FBXO38: variants seen among roughly 807,000 people sequenced by gnomAD.
FBXO38 encodes the protein F-box protein 38.
In FBXO38, 53 loss-of-function variants were observed where a neutral mutation model predicts 131.9. That is an observed-to-expected ratio of 0.40 (90% confidence interval 0.32 to 0.51). The LOEUF is 0.51. Among genes scored for constraint, FBXO38 ranks in the 20% least tolerant of loss-of-function variants. FBXO38 has a pLI of 0.53. For synonymous variants in FBXO38, 452 were observed against 505.6 expected, an observed-to-expected ratio of 0.89 and a Z score of 1.42; for missense variants, 1,076 against 1,475.6, an observed-to-expected ratio of 0.73 and a Z score of 4.44.
chr5:148,424,243 T>C, intron 13 of FBXO38, 126 bp downstream of exon 13: 1 of 932,678 alleles, frequency 1.1e-6, no homozygotes, highest in Non-Finnish European at 1.6e-6. Flanking sequence ...ATGCTATTGA[T>C]TACTGAGAAC....
At chr5:148,399,908 G>A (rs1752045006) in intron 3 of FBXO38, among the ~76,000 whole-genome samples, 1 of 151,762 alleles carries the variant, frequency 6.6e-6, no homozygotes, top group Non-Finnish European at 1.5e-5. Flanking sequence ...ATAAGGCTGA[G>A]AGGGGAACCA....
chr5:148,387,038 G>A (rs1757949835), intron 1 of FBXO38, among the ~76,000 whole-genome samples: 2 of 152,044 alleles, frequency 1.3e-5, no homozygotes, highest in African/African-American at 2.4e-5. Flanking sequence ...GGGGTGGCTT[G>A]GCAGTTTCTT....
At chr5:148,427,052 G>C (rs1753750192) in intron 14 of FBXO38, among the ~76,000 whole-genome samples, 161 bp from the exon 15 acceptor site, 1 of 152,180 alleles carries the variant, frequency 6.6e-6, no homozygotes. Context: ...GAGCCATAGA[G>C]AATTTTATAG....
chr5:148,431,946 T>C lies in FBXO38; in HGVS notation c.2654-1478T>C, dbSNP rs75798831. ...TTACAGGGTAGAATTTCACAAAGACTTCACATGGTGGAGAAAGGATTTGGT... is the reference window on the plus strand; with the variant it reads ...TTACAGGGTAGAATTTCACAAAGACCTCACATGGTGGAGAAAGGATTTGGT... On this transcript the variant is annotated intron_variant, in intron 15 of 21. Coordinates refer to ENST00000340253, the MANE Select transcript of FBXO38 (RefSeq NM_205836.3). Among the ~76,000 whole-genome samples the C allele has an allele frequency of 5.6e-3, 849 of 152,270 alleles. 33 individuals are homozygous for C. The East Asian group carries it at 0.1, about 19-fold the overall frequency.
At chr5:148,403,535 C>G (rs1180776643) in intron 5 of FBXO38, among the ~76,000 whole-genome samples, 2 of 152,068 alleles carry the variant, frequency 1.3e-5, no homozygotes, top group East Asian at 3.8e-4. Flanking sequence ...TAAATTTAAC[C>G]TTTGTGACTT....
At chr5:148,392,172 T>C (rs1561511320) in intron 1 of FBXO38, among the ~76,000 whole-genome samples, 1 of 152,110 alleles carries the variant, frequency 6.6e-6, no homozygotes, top group South Asian at 2.1e-4. Flanking sequence ...CAGTGATGGG[T>C]ATCATTTAGG....
intron 15 of FBXO38, 80 bp from the exon 16 acceptor site, chr5:148,433,344 C>T: frequency 1.1e-6 from 1 of 925,170 alleles, no homozygotes; most frequent in Non-Finnish European, 1.7e-6. Flanking sequence ...TGATTATGTT[C>T]ATACGTATGT....
intron 8 of FBXO38, among the ~76,000 whole-genome samples, chr5:148,409,694 T>C (rs1752639999): frequency 6.6e-6 from 1 of 152,252 alleles, no homozygotes; most frequent in Non-Finnish European, 1.5e-5. Flanking sequence ...GTTATATCAC[T>C]TTATGCCACA....
intron 10 of FBXO38, among the ~76,000 whole-genome samples, chr5:148,415,558 T>C (rs1240155959): frequency 6.6e-6 from 1 of 152,196 alleles, no homozygotes; most frequent in Admixed American, 6.5e-5. Flanking sequence ...GAGTTTTCCA[T>C]GTCAGCAAGC....
rs533394805 is a variant in FBXO38, at chr5:148,410,362, C to T, written c.963-273C>T. ...TTTTAAAAATGGGAGTGTCCCTGCACAGCCTCTCTTTTTTTGCCTGCTGCC... is the reference window on the plus strand; with the variant it reads ...TTTTAAAAATGGGAGTGTCCCTGCATAGCCTCTCTTTTTTTGCCTGCTGCC... On this transcript the variant is annotated intron_variant, in intron 8 of 21. Coordinates refer to ENST00000340253, the MANE Select transcript of FBXO38 (RefSeq NM_205836.3). 6.7e-6 allele frequency: 3 copies of T among 445,562 alleles called. No individual in the cohort carries two copies. In the East Asian group the frequency reaches 1.4e-4, roughly 21 times the overall value. 27.6% of individuals were successfully genotyped at this position (445,562 alleles called of 1,614,324 possible). A position where few individuals can be genotyped will look rare whatever the true frequency, so the allele number is the denominator to read the frequency against.
intron 13 of FBXO38, 127 bp from the exon 14 acceptor site, chr5:148,425,395 G>A (rs1753653427): frequency 1.5e-6 from 1 of 650,002 alleles, no homozygotes; most frequent in Non-Finnish European, 2.7e-6. Context: ...CAGTTAAAAT[G>A]TGTGCCAGGG....
In FBXO38 at chr5:148,402,395, T is replaced by C. The variant is rs2113533186; in HGVS notation, c.474T>C (p.Tyr158=). The change falls in exon 5 of 22, where the codon TAT becomes TAC. Residue 158 remains tyrosine, a synonymous_variant. Transcript: ENST00000340253. ...HLELVESIWT[Y]MPHVHILGKF... ...AGTTGGTAGAATCCATTTGGACATA[T>C]ATGCCCCATGTTCATATTTTGGGGA... 1 of 1,613,310 alleles carries C rather than the reference T, an allele frequency of 6.2e-7. No homozygotes were observed.
intron 8 of FBXO38, among the ~76,000 whole-genome samples, chr5:148,409,723 T>C (rs962080733): frequency 1.3e-5 from 2 of 152,252 alleles, no homozygotes; most frequent in Non-Finnish European, 2.9e-5. Flanking sequence ...TTCTTACATA[T>C]CAATGGTCTA....
intron 21 of FBXO38, 88 bp downstream of exon 21, chr5:148,441,325 C>A: frequency 1.1e-6 from 1 of 931,258 alleles, no homozygotes; most frequent in East Asian, 2.4e-5. Context: ...GAGTTAGGAG[C>A]AGTGCAGTGT....
chr5:148,427,804 G>A lies in FBXO38; in HGVS notation c.2510G>A (p.Ser837Asn), dbSNP rs780553821. The A allele has an allele frequency of 1.3e-6, 2 of 1,560,786 alleles. No homozygotes were observed. Among genetic ancestry groups the A allele is most frequent in the East Asian group, 4.5e-5 (2 of 44,870 alleles). The change falls in exon 15 of 22, where the codon AGT (serine) becomes AAT (asparagine). Residue 837 changes from serine (S) to asparagine (N), a missense_variant. By Grantham distance (46) the Ser-to-Asn change is conservative. Around this residue, in one of 8 missense-constraint regions of FBXO38, gnomAD observed 213 missense variants for 225.2 expected, o/e 0.95. Coordinates refer to ENST00000340253, the MANE Select transcript of FBXO38 (RefSeq NM_205836.3). ...GCACATGATGAGAGGACTAATGGGAGTGGCTCTGGGGCTACAGGTGAGGAC... is the reference window on the plus strand; with the variant it reads ...GCACATGATGAGAGGACTAATGGGAATGGCTCTGGGGCTACAGGTGAGGAC... ...GPAHDERTNG[S>N]GSGATGEDRR...
chr5:148,395,546 A>G (rs1200594313), intron 2 of FBXO38, among the ~76,000 whole-genome samples: 12 of 151,684 alleles, frequency 7.9e-5, no homozygotes, highest in African/African-American at 2.7e-4. Context: ...GTCCTTATTT[A>G]TATAATTCAA....
intron 10 of FBXO38, 78 bp from the exon 11 acceptor site, chr5:148,415,850 T>C (rs1398436994): frequency 1.4e-6 from 2 of 1,460,518 alleles, no homozygotes; most frequent in Non-Finnish European, 1.9e-6. Context: ...TGAAAGTCTT[T>C]GTGACCTGTA....
In FBXO38 at chr5:148,433,410, T is replaced by A; in HGVS notation, c.2654-14T>A. 6.3e-7 allele frequency: 1 copy of A among 1,598,244 alleles called. No individual in the cohort carries two copies. Among genetic ancestry groups the A allele is most frequent in the Non-Finnish European group, 8.5e-7 (1 of 1,172,478 alleles). On this transcript the variant is annotated splice_polypyrimidine_tract_variant and intron_variant, in intron 15 of 21. Coordinates refer to ENST00000340253, the MANE Select transcript of FBXO38 (RefSeq NM_205836.3). ...GGCTAAAATTTGGATTTTCTTTTTTTTTGCCTTTTTTAGAAGTAGCCAAAA... is the reference window on the plus strand; with the variant it reads ...GGCTAAAATTTGGATTTTCTTTTTTATTGCCTTTTTTAGAAGTAGCCAAAA...
Position 148,439,710 on chromosome 5 carries a change from A to T in FBXO38, c.3088A>T (p.Ile1030Phe), listed in dbSNP as rs763706025. ...TCCCTACCCCTATCACATCTGTATT[A>T]TCCATGAATTCAGTAACCCTCCCAA... ...SGPYPYHICI[I>F]HEFSNPPNVR... is the part of the protein sequence containing the mutation. The change falls in exon 19 of 22, where the codon ATC becomes TTC. Residue 1030 changes from isoleucine to phenylalanine, a missense_variant. Ile to Phe is a conservative substitution (Grantham distance 21). Coordinates refer to ENST00000340253, the MANE Select transcript of FBXO38 (RefSeq NM_205836.3). The T allele has an allele frequency of 6.2e-7, 1 of 1,611,828 alleles. No individual in the cohort carries two copies. The highest frequency in any genetic ancestry group is 1.1e-5 in the South Asian group (1 of 91,060).
Sources: gnomAD v4.1 joint callset for allele counts (sites outside exome capture counted in the v4.1 genomes callset) on GRCh38, gnomAD v4.1.1 for gene constraint, gnomAD v4.1.1 regional missense constraint, MANE v1.5 for transcripts, NCBI Gene and HGNC (gene_info 2026-07-23, HGNC 2026-07-21) for gene names.